The following TBC1D22A variants were observed in gnomAD, a reference collection of about 807,000 sequenced individuals.
The protein encoded by TBC1D22A is TBC1 domain family member 22A.
In TBC1D22A, 38 loss-of-function variants were observed where a neutral mutation model predicts 60.2. That is an observed-to-expected ratio of 0.63 (90% CI 0.49 to 0.83). The LOEUF is 0.83. Ranked by LOEUF, TBC1D22A falls within the 40% of genes least tolerant of loss-of-function variation. TBC1D22A has a pLI of 0.00. For synonymous variants in TBC1D22A, 302 were observed against 281.7 expected (o/e 1.07, Z -0.72); for missense variants, 628 against 701.0 (o/e 0.90, Z 1.18).
At chr22:46,764,650 T>G (rs1433866735) in intron 1 of TBC1D22A, among the ~76,000 whole-genome samples, 2 of 152,200 alleles carry the variant, frequency 1.3e-5, no homozygotes, top group Non-Finnish European at 2.9e-5. Context: ...GAGGTCATAC[T>G]GGATGAGGGT....
chr22:46,903,966 T>C (rs181181523), intron 7 of TBC1D22A, among the ~76,000 whole-genome samples: 158 of 152,198 alleles, frequency 1.0e-3, no homozygotes, highest in African/African-American at 3.6e-3. Context: ...CATGCTTAAT[T>C]TTTACCCAGA....
At chr22:46,935,929 G>A (rs1225377203) in intron 8 of TBC1D22A, among the ~76,000 whole-genome samples, 2 of 151,924 alleles carry the variant, frequency 1.3e-5, no homozygotes, top group East Asian at 3.9e-4. Flanking sequence ...TGACTCTGTA[G>A]CCTTTGCTGT....
intron 12 of TBC1D22A, among the ~76,000 whole-genome samples, chr22:47,119,711 G>A (rs976418164): frequency 4.6e-5 from 7 of 152,076 alleles, no homozygotes; most frequent in African/African-American, 1.7e-4. Flanking sequence ...TGGCCAGGCT[G>A]GTCTCGAACT....
Position 47,170,924 on chromosome 22 carries a change from A to C in TBC1D22A, c.1426-2574A>C, listed in dbSNP as rs2068422966. 1.3e-5 allele frequency among the ~76,000 whole-genome samples: 2 copies of C among 152,216 alleles called. 1 individual carries two copies. The highest frequency in any genetic ancestry group is 2.9e-5 in the Non-Finnish European group (2 of 68,036). On this transcript the variant is annotated intron_variant, in intron 12 of 12. Transcript: ENST00000337137. ...CGGAGAGAGGGCAGTCCTGGTGTGT[A>C]ATCTTCCTGATTCGGAAATGGAGAG...
chr22:47,168,178 C>G (rs1212867367), intron 12 of TBC1D22A, among the ~76,000 whole-genome samples: 4 of 152,200 alleles, frequency 2.6e-5, no homozygotes, highest in Non-Finnish European at 2.9e-5. Context: ...TAGGGACACA[C>G]AGACCTGTTG....
intron 11 of TBC1D22A, among the ~76,000 whole-genome samples, chr22:47,065,234 G>T (rs1389588301): frequency 5.9e-5 from 9 of 152,226 alleles, no homozygotes; most frequent in Admixed American, 5.9e-4. Flanking sequence ...CTGACCTCAT[G>T]ATCCGCCCAC....
At chr22:47,069,077 T>C (rs1437486802) in intron 11 of TBC1D22A, among the ~76,000 whole-genome samples, 2 of 152,222 alleles carry the variant, frequency 1.3e-5, no homozygotes, top group South Asian at 2.1e-4. Context: ...CCACAATGGC[T>C]CATAAATTTT....
At chr22:47,042,174 G>C (rs999652564) in intron 11 of TBC1D22A, among the ~76,000 whole-genome samples, 3 of 151,732 alleles carry the variant, frequency 2.0e-5, no homozygotes, top group Non-Finnish European at 4.4e-5. Flanking sequence ...TTCTATTTCT[G>C]CCCCCCCCAT....
Position 46,863,681 on chromosome 22 carries a change from C to T in TBC1D22A, c.638-14972C>T, listed in dbSNP as rs188244389. Reference sequence around the variant, plus strand: ...TGTATTGGAAACCAAAGGGGTCATGCGATATGATTTTACACAAAACAAAAG... The same window carrying T: ...TGTATTGGAAACCAAAGGGGTCATGTGATATGATTTTACACAAAACAAAAG... On this transcript the variant is annotated intron_variant, in intron 4 of 12. Coordinates refer to ENST00000337137, the MANE Select transcript of TBC1D22A (RefSeq NM_014346.5). Among the ~76,000 whole-genome samples the T allele has an allele frequency of 4.6e-5, 7 of 152,268 alleles. No individual in the cohort carries two copies. The South Asian group carries it at 6.2e-4, about 14-fold the overall frequency.
chr22:46,866,490 G>A (rs1243306289), intron 4 of TBC1D22A, among the ~76,000 whole-genome samples: 1 of 152,214 alleles, frequency 6.6e-6, no homozygotes, highest in Non-Finnish European at 1.5e-5. Flanking sequence ...CACCTGTCAA[G>A]CGGCAAGCAA....
intron 4 of TBC1D22A, among the ~76,000 whole-genome samples, chr22:46,872,794 C>G (rs754203488): frequency 1.6e-4 from 24 of 152,138 alleles, no homozygotes; most frequent in Non-Finnish European, 3.1e-4. Flanking sequence ...TCTGCAAAGT[C>G]CCATCAAGTC....
At chr22:47,143,766 T>C (rs1163837684) in intron 12 of TBC1D22A, among the ~76,000 whole-genome samples, 4 of 152,220 alleles carry the variant, frequency 2.6e-5, no homozygotes, top group Admixed American at 1.3e-4. Flanking sequence ...CAAGGTCCTG[T>C]CAGAGGCAGC....
chr22:46,811,295 A>G (rs758584497), intron 4 of TBC1D22A, among the ~76,000 whole-genome samples: 43 of 152,236 alleles, frequency 2.8e-4, no homozygotes, highest in Non-Finnish European at 4.8e-4. Context: ...AGAGAGACAC[A>G]GGTGACAAGA....
rs368718415 is a variant in TBC1D22A at position 46,793,759 on chromosome 22, C to G, written c.378C>G (p.Pro126=). 2.5e-6 allele frequency: 4 copies of G among 1,604,480 alleles called. No homozygotes were observed. Among genetic ancestry groups the G allele is most frequent in the Non-Finnish European group, 3.4e-6 (4 of 1,176,486 alleles). Residue 126 remains proline (P), a synonymous_variant, in exon 3 of 13, where the codon CCC becomes CCG. Coordinates refer to ENST00000337137, the MANE Select transcript of TBC1D22A (RefSeq NM_014346.5). The stretch of plus-strand genomic sequence containing the variant: ...CAGGGCTTCAGCAGAAGCCCAGGCC[C>G]GAGGCAGAGCCGCCCTCACCCCCCA... The part of the protein sequence containing the change: ...EGPGLQQKPR[P]EAEPPSPPSG...
chr22:47,158,465 G>A (rs893416957), intron 12 of TBC1D22A, among the ~76,000 whole-genome samples: 13 of 152,148 alleles, frequency 8.5e-5, no homozygotes, highest in Admixed American at 3.3e-4. Context: ...CTGGGTAGGG[G>A]GCAGTTCCCC....
At chr22:46,813,776 A>C (rs900647034) in intron 4 of TBC1D22A, among the ~76,000 whole-genome samples, 1 of 152,196 alleles carries the variant, frequency 6.6e-6, no homozygotes, top group African/African-American at 2.4e-5. Flanking sequence ...AGCTGCAGAG[A>C]AGTTATCCTG....
intron 7 of TBC1D22A, among the ~76,000 whole-genome samples, chr22:46,909,289 T>TACACAC (rs1555942183): frequency 1.3e-4 from 18 of 133,340 alleles, no homozygotes; most frequent in Admixed American, 9.1e-4. Flanking sequence ...ATTCTTCCTA[T>TACACAC]ACACATACAC....
chr22:46,931,404 C>A (rs2071348469), intron 8 of TBC1D22A, among the ~76,000 whole-genome samples: 2 of 152,162 alleles, frequency 1.3e-5, no homozygotes, highest in Admixed American at 1.3e-4. Context: ...AAATTACAGT[C>A]ATTGTTGAAG....
chr22:47,063,406 TG>T (rs1420537839), intron 11 of TBC1D22A, among the ~76,000 whole-genome samples: 3 of 151,704 alleles, frequency 2.0e-5, no homozygotes, highest in Non-Finnish European at 4.4e-5. Context: ...TGGAGCCCCG[TG>T]GGTGGAAGGG....
Sources: gnomAD v4.1 joint callset for allele counts (sites outside exome capture counted in the v4.1 genomes callset) on GRCh38, gnomAD v4.1.1 for gene constraint, MANE v1.5 for transcripts, NCBI Gene and HGNC (gene_info 2026-07-23, HGNC 2026-07-21) for gene names.